Variants in PDS5B observed in about 807,000 individuals in gnomAD.
PDS5B encodes PDS5 cohesin associated factor B.
PDS5B carries 51 observed loss-of-function variants against 184.1 expected under a neutral mutation model. The ratio of observed to expected loss-of-function variants is 0.28; its 90% CI spans 0.22 to 0.35. The LOEUF is 0.35. Among genes scored for constraint, PDS5B ranks in the 10% least tolerant of loss-of-function variants. The pLI is 1.00. For missense variants in PDS5B, 1,180 were observed against 1,723.3 expected, an observed-to-expected ratio of 0.68 and a Z score of 5.58; for synonymous variants, 566 against 569.2, an observed-to-expected ratio of 0.99 and a Z score of 0.08.
chr13:32,738,492 C>T (rs979268227), intron 21 of PDS5B, among the ~76,000 whole-genome samples: 5 of 151,978 alleles, frequency 3.3e-5, no homozygotes, highest in African/African-American at 1.2e-4. Context: ...TTCTGAAATT[C>T]CCTTTTGATG....
chr13:32,685,425 T>C (rs1448110778), intron 11 of PDS5B, among the ~76,000 whole-genome samples: 2 of 152,188 alleles, frequency 1.3e-5, no homozygotes, highest in Non-Finnish European at 1.5e-5. Flanking sequence ...TGTTTTTGTG[T>C]ATTGTTGGGA....
At chr13:32,650,796 A>G (rs1165465494) in intron 2 of PDS5B, among the ~76,000 whole-genome samples, 2 of 152,326 alleles carry the variant, frequency 1.3e-5, no homozygotes, top group East Asian at 3.9e-4. Context: ...CTGAGAATTC[A>G]GTAGAAATCG....
chr13:32,716,834 A>G (rs1274311639), intron 19 of PDS5B, among the ~76,000 whole-genome samples: 1 of 71,734 alleles, frequency 1.4e-5, no homozygotes. Context: ...CCTGTCTGGG[A>G]GGGAGGTTGG....
At chr13:32,654,298 C>T (rs368011720) in intron 3 of PDS5B, among the ~76,000 whole-genome samples, 1 of 152,138 alleles carries the variant, frequency 6.6e-6, no homozygotes, top group Non-Finnish European at 1.5e-5. Context: ...ATATTTGAGC[C>T]TTACCTTTCC....
rs201395087 is a variant in PDS5B, at chr13:32,742,749, G to T, written c.2612+22G>T. 179 of 1,602,908 alleles carry T rather than the reference G, an allele frequency of 1.1e-4. 1 individual carries two copies. In the East Asian group the frequency reaches 2.3e-3, roughly 21 times the overall value. On this transcript the variant is annotated intron_variant, in intron 23 of 34. Coordinates refer to ENST00000315596, the MANE Select transcript of PDS5B (RefSeq NM_015032.4). ...TTAGGTATGCAATTACTATTTCACAGTTCTTTGGATTGCATAATATTTCAG... is the reference window on the plus strand; with the variant it reads ...TTAGGTATGCAATTACTATTTCACATTTCTTTGGATTGCATAATATTTCAG...
At chr13:32,726,665 T>C (rs2140939067) in intron 19 of PDS5B, among the ~76,000 whole-genome samples, 1 of 152,322 alleles carries the variant, frequency 6.6e-6, no homozygotes, top group Admixed American at 6.5e-5. Context: ...CTGAGAATAG[T>C]GTAGCCATTT....
intron 24 of PDS5B, among the ~76,000 whole-genome samples, chr13:32,746,379 T>A (rs1284106649): frequency 6.6e-6 from 1 of 152,204 alleles, no homozygotes; most frequent in Non-Finnish European, 1.5e-5. Context: ...TTAGGAGAAC[T>A]CACAGAATAG....
intron 19 of PDS5B, among the ~76,000 whole-genome samples, chr13:32,718,762 G>A (rs1952567256): frequency 6.6e-6 from 1 of 152,188 alleles, no homozygotes; most frequent in African/African-American, 2.4e-5. Flanking sequence ...TAGCCAAAAT[G>A]AGTATGTAAA....
chr13:32,658,674 C>A (rs1450420712), intron 5 of PDS5B, 143 bp downstream of exon 5: 2 of 542,110 alleles, frequency 3.7e-6, no homozygotes, highest in East Asian at 3.0e-5. Flanking sequence ...ATACATGTTT[C>A]AAAAATGAAT....
At chr13:32,760,204 C>G (rs1226330804) in intron 29 of PDS5B, among the ~76,000 whole-genome samples, 3 of 152,228 alleles carry the variant, frequency 2.0e-5, no homozygotes, top group Non-Finnish European at 4.4e-5. Context: ...ATACACCCGC[C>G]TTGGCCTCCC....
chr13:32,695,811 A>T (rs1396559027), intron 14 of PDS5B, among the ~76,000 whole-genome samples: 1 of 152,090 alleles, frequency 6.6e-6, no homozygotes, highest in Non-Finnish European at 1.5e-5. Flanking sequence ...TGAGTCATAC[A>T]TGAAATCACT....
chr13:32,641,648 T>G (rs759681424), intron 1 of PDS5B, among the ~76,000 whole-genome samples: 2 of 152,182 alleles, frequency 1.3e-5, no homozygotes, highest in Non-Finnish European at 2.9e-5. Flanking sequence ...GTTTTCCTTC[T>G]TTATCTCCCC....
At chr13:32,737,794 A>G (rs1270082716) in intron 21 of PDS5B, among the ~76,000 whole-genome samples, 1 of 152,206 alleles carries the variant, frequency 6.6e-6, no homozygotes, top group Non-Finnish European at 1.5e-5. Flanking sequence ...AATACAATGA[A>G]CACCTATGAA....
At chr13:32,727,419 T>A (rs967998450) in intron 19 of PDS5B, among the ~76,000 whole-genome samples, 1 of 152,182 alleles carries the variant, frequency 6.6e-6, no homozygotes, top group East Asian at 1.9e-4. Flanking sequence ...TGGATGTCTA[T>A]CCATATTTTC....
chr13:32,727,494 T>A (rs1422022276), intron 19 of PDS5B, among the ~76,000 whole-genome samples: 2 of 151,452 alleles, frequency 1.3e-5, no homozygotes, highest in East Asian at 3.8e-4. Context: ...GTTCTCTTTA[T>A]AGTGAATTTT....
At chr13:32,693,726 A>T (rs1033503832) in intron 13 of PDS5B, among the ~76,000 whole-genome samples, 4 of 150,852 alleles carry the variant, frequency 2.7e-5, no homozygotes, top group African/African-American at 9.7e-5. Flanking sequence ...TTATATATCG[A>T]GTACCTGTAT....
At chr13:32,762,624 A>G (rs759021434) in intron 30 of PDS5B, among the ~76,000 whole-genome samples, 1 of 152,112 alleles carries the variant, frequency 6.6e-6, no homozygotes, top group Non-Finnish European at 1.5e-5. Context: ...ATAATCAAAG[A>G]TGATCTAATT....
At position 32,746,019 on chromosome 13, in the gene PDS5B, T is replaced by C; in HGVS notation, c.2655T>C (p.Ala885=). 6.2e-7 allele frequency: 1 copy of C among 1,612,984 alleles called. No homozygotes were observed. The highest frequency in any genetic ancestry group is 8.5e-7 in the Non-Finnish European group (1 of 1,178,944). The change falls in exon 24 of 35, where the codon GCT becomes GCC. Residue 885 remains alanine, a synonymous_variant. Transcript: ENST00000315596. The part of the protein sequence containing the change: ...MSRLRLAAGS[A]IVKLAQEPCY... Reference sequence around the variant, plus strand: ...GTCTGAGACTTGCTGCTGGGAGTGCTATTGTGAAGCTGGCACAAGAACCCT... The same window carrying C: ...GTCTGAGACTTGCTGCTGGGAGTGCCATTGTGAAGCTGGCACAAGAACCCT...
chr13:32,637,378 A>G (rs1268348837), intron 1 of PDS5B, among the ~76,000 whole-genome samples: 1 of 152,222 alleles, frequency 6.6e-6, no homozygotes, highest in Non-Finnish European at 1.5e-5. Flanking sequence ...AAGGCAACAC[A>G]CACTGAAGAG....
Sources: gnomAD v4.1 joint callset for allele counts (sites outside exome capture counted in the v4.1 genomes callset) on GRCh38, gnomAD v4.1.1 for gene constraint, MANE v1.5 for transcripts, NCBI Gene and HGNC (gene_info 2026-07-23, HGNC 2026-07-21) for gene names.